The following CIMIP7 variants were observed in gnomAD, a reference collection of about 807,000 sequenced individuals.
The protein encoded by CIMIP7 is ciliary microtubule inner protein 7.
At chr3:49,178,683 G>A in the CIMIP7 span, 1 of 657,676 alleles carries the variant, frequency 1.5e-6, no homozygotes, top group Admixed American at 2.3e-5. Context: ...AACAGACAGA[G>A]GGCAGAGACT....
chr3:49,179,938 G>C, the CIMIP7 span, among the ~76,000 whole-genome samples: 1 of 152,202 alleles, frequency 6.6e-6, no homozygotes. Context: ...AGGAGTTTGA[G>C]ACCAGCCTGG....
chr3:49,182,809 C>A, the CIMIP7 span, among the ~76,000 whole-genome samples: 7 of 152,216 alleles, frequency 4.6e-5, no homozygotes, highest in Non-Finnish European at 4.4e-5. Context: ...GAGCCCTGCC[C>A]CGCGGGAAGG....
At chr3:49,178,765 C>T in the CIMIP7 span, among the ~76,000 whole-genome samples, 1 of 152,126 alleles carries the variant, frequency 6.6e-6, no homozygotes, top group Non-Finnish European at 1.5e-5. Flanking sequence ...CCGTGGAACC[C>T]TTATTGAGGA....
chr3:49,177,739 G>T, the CIMIP7 span: 4 of 1,609,830 alleles, frequency 2.5e-6, no homozygotes, highest in Non-Finnish European at 2.5e-6. Context: ...TGGGAGGTCA[G>T]GCAGTACGTC....
At chr3:49,188,310 A>C in the CIMIP7 span, among the ~76,000 whole-genome samples, 5 of 152,244 alleles carry the variant, frequency 3.3e-5, no homozygotes, top group Admixed American at 6.5e-5. Context: ...AGGACCTGGC[A>C]AAAGGCTGGG....
At chr3:49,182,635 G>T in the CIMIP7 span, among the ~76,000 whole-genome samples, 1 of 152,248 alleles carries the variant, frequency 6.6e-6, no homozygotes, top group African/African-American at 2.4e-5. Context: ...TGCAGGTGGA[G>T]CTGCCTGCCA....
the CIMIP7 span, among the ~76,000 whole-genome samples, chr3:49,179,769 C>T: frequency 6.6e-6 from 1 of 152,218 alleles, no homozygotes; most frequent in Non-Finnish European, 1.5e-5. Flanking sequence ...TGGGCAAAGG[C>T]GGTCTGTCTT....
the CIMIP7 span, among the ~76,000 whole-genome samples, chr3:49,189,258 C>G: frequency 5.3e-5 from 8 of 151,804 alleles, no homozygotes; most frequent in African/African-American, 1.9e-4. Context: ...CATGAGCCAC[C>G]GCACCTTGCC....
chr3:49,178,643 G>A, the CIMIP7 span: 4 of 900,856 alleles, frequency 4.4e-6, no homozygotes, highest in African/African-American at 6.5e-5. Flanking sequence ...AAGTCACCAG[G>A]AGCCACTGCC....
At chr3:49,191,631 T>A in the CIMIP7 span, 1 of 1,180,828 alleles carries the variant, frequency 8.5e-7, no homozygotes, top group African/African-American at 1.5e-5. Context: ...CTCAGGGTCC[T>A]ATTCCAGGTT....
At chr3:49,178,673 AACAG>A in the CIMIP7 span, 5 of 687,672 alleles carry the variant, frequency 7.3e-6, no homozygotes, top group Admixed American at 2.2e-5. Flanking sequence ...CTAAACTGCC[AACAG>A]ACAGAGGGCA....
At chr3:49,186,244 C>A in the CIMIP7 span, among the ~76,000 whole-genome samples, 1 of 151,904 alleles carries the variant, frequency 6.6e-6, no homozygotes, top group East Asian at 1.9e-4. Flanking sequence ...GGTGATACAC[C>A]CGCCTTGGCC....
the CIMIP7 span, chr3:49,189,801 T>C: frequency 1.0e-5 from 7 of 692,656 alleles, no homozygotes; most frequent in Non-Finnish European, 1.9e-5. Context: ...CCCTTACCCT[T>C]TGTCCATCTA....
chr3:49,183,069 G>A, the CIMIP7 span, among the ~76,000 whole-genome samples: 4 of 152,216 alleles, frequency 2.6e-5, no homozygotes, highest in South Asian at 4.1e-4. Context: ...CTCCCACAGC[G>A]CAGCGGCGGG....
chr3:49,183,252 A>G, the CIMIP7 span, among the ~76,000 whole-genome samples: 3 of 152,284 alleles, frequency 2.0e-5, no homozygotes, highest in Admixed American at 6.5e-5. Flanking sequence ...CACATCTATC[A>G]GAATGGCTCC....
chr3:49,178,010 G>A, the CIMIP7 span: 20 of 1,610,778 alleles, frequency 1.2e-5, no homozygotes, highest in African/African-American at 2.5e-4. Flanking sequence ...AGGCGCTCCA[G>A]GTCCTTCCGC....
At chr3:49,178,617 G>T in the CIMIP7 span, 1 of 1,280,872 alleles carries the variant, frequency 7.8e-7, no homozygotes. Context: ...ACTGCCTCAG[G>T]GTCCTTAATG....
chr3:49,178,396 A>G, the CIMIP7 span: 2 of 1,273,206 alleles, frequency 1.6e-6, no homozygotes, highest in East Asian at 4.7e-5. Context: ...CCTCAGTGTC[A>G]TCCCCTCCAC....
At chr3:49,183,995 T>C in the CIMIP7 span, among the ~76,000 whole-genome samples, 113 of 152,316 alleles carry the variant, frequency 7.4e-4, no homozygotes, top group Admixed American at 1.4e-3. Flanking sequence ...TATTGTATTA[T>C]TCTATTTATA....
Sources: allele counts gnomAD v4.1 joint callset (sites outside exome capture counted in the v4.1 genomes callset), GRCh38; gene constraint gnomAD v4.1.1; transcripts MANE v1.5; gene names NCBI Gene and HGNC (gene_info 2026-07-23, HGNC 2026-07-21).